The following SORBS2 variants were observed in gnomAD, a reference collection of about 807,000 sequenced individuals.
SORBS2 encodes sorbin and SH3 domain containing 2.
Under a neutral mutation model 97.7 loss-of-function variants are expected in SORBS2, and 46 were observed. The observed-to-expected ratio is 0.47, with a 90% CI of 0.37 to 0.60. The LOEUF (loss-of-function observed/expected upper bound fraction) is 0.60. Ranked by LOEUF, SORBS2 falls within the 20% of genes least tolerant of loss-of-function variation. The pLI is 0.00. For synonymous variants in SORBS2, 476 were observed against 473.4 expected, an observed-to-expected ratio of 1.01 and a Z score of -0.07; for missense variants, 1,316 against 1,282.3, an observed-to-expected ratio of 1.03 and a Z score of -0.40.
At chr4:185,867,232 G>A (rs867004452) in intron 1 of SORBS2, among the ~76,000 whole-genome samples, 2 of 152,070 alleles carry the variant, frequency 1.3e-5, no homozygotes, top group Non-Finnish European at 2.9e-5. Context: ...GGCTGGTCTC[G>A]AACTCCTGGC....
intron 12 of SORBS2, among the ~76,000 whole-genome samples, chr4:185,611,086 G>A (rs1338631653): frequency 6.6e-6 from 1 of 152,118 alleles, no homozygotes; most frequent in Non-Finnish European, 1.5e-5. Context: ...GCCCGCTCAA[G>A]TGAAACAGTA....
intron 1 of SORBS2, among the ~76,000 whole-genome samples, chr4:185,899,474 C>A (rs920783289): frequency 6.6e-6 from 1 of 152,074 alleles, no homozygotes; most frequent in African/African-American, 2.4e-5. Context: ...CTCTTTCACC[C>A]AGGGTGGAAT....
chr4:185,796,602 C>G (rs13127169), intron 1 of SORBS2, among the ~76,000 whole-genome samples: 250 of 67,050 alleles, frequency 3.7e-3, no homozygotes, highest in East Asian at 0.01. Flanking sequence ...GCTGGGCATG[C>G]CTGGGCGCTG....
At chr4:185,664,739 T>C (rs1182735971) in intron 4 of SORBS2, among the ~76,000 whole-genome samples, 1 of 152,250 alleles carries the variant, frequency 6.6e-6, no homozygotes, top group Non-Finnish European at 1.5e-5. Flanking sequence ...AAAAAACATA[T>C]GGCTTATTAT....
chr4:185,944,846 A>G (rs2099273782), intron 1 of SORBS2, among the ~76,000 whole-genome samples: 2 of 152,214 alleles, frequency 1.3e-5, no homozygotes, highest in African/African-American at 4.8e-5. Context: ...CCCATGGCAC[A>G]GGTAAGTGCA....
chr4:185,597,529 C>T (rs1238047262), intron 12 of SORBS2, among the ~76,000 whole-genome samples: 1 of 152,088 alleles, frequency 6.6e-6, no homozygotes, highest in Non-Finnish European at 1.5e-5. Flanking sequence ...AAAAAACAAA[C>T]AGAAAAAGAA....
chr4:185,656,479 C>G, intron 1 of SORBS2: 1 of 401,734 alleles, frequency 2.5e-6, no homozygotes. Context: ...CCATTCTTTG[C>G]CTCTATCCCT....
intron 1 of SORBS2, among the ~76,000 whole-genome samples, chr4:185,847,530 A>G (rs1360485787): frequency 1.3e-5 from 2 of 152,120 alleles, no homozygotes; most frequent in Non-Finnish European, 2.9e-5. Context: ...TCATCCAGAC[A>G]TACATCCTCC....
intron 1 of SORBS2, among the ~76,000 whole-genome samples, chr4:185,834,734 A>C (rs1474154502): frequency 6.6e-6 from 1 of 152,242 alleles, no homozygotes; most frequent in Admixed American, 6.5e-5. Flanking sequence ...ATAGAATATC[A>C]GTATACATTT....
At chr4:185,640,912 T>A (rs2097114202) in intron 4 of SORBS2, among the ~76,000 whole-genome samples, 1 of 152,194 alleles carries the variant, frequency 6.6e-6, no homozygotes, top group Non-Finnish European at 1.5e-5. Flanking sequence ...TTAATTATTA[T>A]AACTTCTGTT....
chr4:185,639,499 C>T (rs1041210869), intron 4 of SORBS2, among the ~76,000 whole-genome samples: 2 of 152,100 alleles, frequency 1.3e-5, no homozygotes, highest in African/African-American at 2.4e-5. Context: ...TAATAGAAAA[C>T]AGATGTAGAG....
intron 1 of SORBS2, among the ~76,000 whole-genome samples, chr4:185,816,491 G>A (rs968052733): frequency 5.3e-5 from 8 of 152,274 alleles, no homozygotes; most frequent in South Asian, 2.1e-4. Flanking sequence ...TCACAATGAC[G>A]TGAACAATGT....
chr4:185,674,917 T>A (rs868710680), intron 4 of SORBS2, among the ~76,000 whole-genome samples: 80 of 152,304 alleles, frequency 5.3e-4, no homozygotes, highest in African/African-American at 1.8e-3. Flanking sequence ...TCCATAATCT[T>A]CTAATATATG....
intron 2 of SORBS2, among the ~76,000 whole-genome samples, chr4:185,727,228 AT>A (rs1359051200): frequency 6.6e-6 from 1 of 152,120 alleles, no homozygotes; most frequent in Non-Finnish European, 1.5e-5. Flanking sequence ...GCAAATTCTC[AT>A]CCCCTCTGAA....
intron 2 of SORBS2, among the ~76,000 whole-genome samples, chr4:185,724,909 C>G (rs923296570): frequency 1.2e-4 from 18 of 152,186 alleles, no homozygotes; most frequent in African/African-American, 4.1e-4. Context: ...GTTTCCTTCA[C>G]GTCTGTTTCT....
At chr4:185,616,889 C>G (rs2096636537) in intron 9 of SORBS2, among the ~76,000 whole-genome samples, 1 of 152,166 alleles carries the variant, frequency 6.6e-6, no homozygotes, top group African/African-American at 2.4e-5. Flanking sequence ...GCTGGGATTA[C>G]AGGCACCCAC....
chr4:185,647,335 A>G (rs886682186), intron 3 of SORBS2, among the ~76,000 whole-genome samples: 23 of 152,006 alleles, frequency 1.5e-4, no homozygotes, highest in African/African-American at 5.6e-4. Context: ...CTGTCAGAAG[A>G]CTTACGAAGG....
intron 4 of SORBS2, among the ~76,000 whole-genome samples, chr4:185,665,090 A>C (rs1052892371): frequency 2.0e-5 from 3 of 152,206 alleles, no homozygotes; most frequent in African/African-American, 4.8e-5. Context: ...CAAATTATTG[A>C]TAAACAAAAT....
chr4:185,876,427 C>G (rs566590573), intron 1 of SORBS2, among the ~76,000 whole-genome samples: 30 of 152,024 alleles, frequency 2.0e-4, no homozygotes, highest in Non-Finnish European at 4.0e-4. Context: ...ATATTTTGAA[C>G]TTTGATCTTT....
Sources: allele counts gnomAD v4.1 joint callset (sites outside exome capture counted in the v4.1 genomes callset), GRCh38; gene constraint gnomAD v4.1.1; transcripts MANE v1.5; gene names NCBI Gene and HGNC (gene_info 2026-07-23, HGNC 2026-07-21).